Variants in PCDHGA4 observed in about 807,000 individuals in gnomAD.
PCDHGA4 encodes the protein protocadherin gamma-A4.
A neutral mutation model predicts 54.6 loss-of-function variants in PCDHGA4; 38 were observed. The observed-to-expected ratio is 0.70, with a 90% CI of 0.54 to 0.91. PCDHGA4 has a LOEUF of 0.91. Ranked by LOEUF, PCDHGA4 falls within the 40% of genes least tolerant of loss-of-function variation. The pLI, the probability that PCDHGA4 is intolerant of heterozygous loss-of-function variation, is 0.00. For missense variants in PCDHGA4, 1,298 were observed against 1,220.9 expected, an observed-to-expected ratio of 1.06 and a Z score of -0.94; for synonymous variants, 511 against 512.9, an observed-to-expected ratio of 1.00 and a Z score of 0.05.
At chr5:141,395,495 T>A (rs182989344) in intron 1 of PCDHGA4, 1 of 498,616 alleles carries the variant, frequency 2.0e-6, no homozygotes, top group East Asian at 3.5e-5. Context: ...TATCACTCAT[T>A]CACTTAAGAA....
intron 1 of PCDHGA4, chr5:141,374,155 G>A (rs1165591733): frequency 6.2e-7 from 1 of 1,612,144 alleles, no homozygotes; most frequent in Admixed American, 1.7e-5. Flanking sequence ...GGACGCTGTG[G>A]GGGGCCGCGG....
In PCDHGA4 at chr5:141,476,718, C is replaced by T; in HGVS notation, c.2515-18089C>T. On this transcript the variant is annotated intron_variant, in intron 1 of 3. Transcript: ENST00000571252. The surrounding 1 kb of genome is among the most constrained non-coding windows in gnomAD (Gnocchi z 7.6). ...TACGCGGAGCTGGTGTTGGAGCGCG[C>T]CCTGGACCGAGAACGGGAGCCTAGT... The T allele has an allele frequency of 1.2e-6, 2 of 1,614,144 alleles. No individual in the cohort carries two copies. The highest frequency in any genetic ancestry group is 2.2e-5 in the East Asian group (1 of 44,874).
rs764056952 is a variant in PCDHGA4 at position 141,405,326 on chromosome 5, T to G, written c.2514+47705T>G. On this transcript the variant is annotated intron_variant, in intron 1 of 3. Transcript: ENST00000571252. ...GAGCTGTGAGAAAAATGAGCCTTTG[T>G]GCGTCTCTGTTGATTCCAAGTTTCC... The G allele has an allele frequency of 2.5e-6, 4 of 1,614,220 alleles. No individual in the cohort carries two copies. Among genetic ancestry groups the G allele is most frequent in the Admixed American group, 3.3e-5 (2 of 60,026 alleles).
Position 141,360,239 on chromosome 5 carries a change from A to G in PCDHGA4, c.2514+2618A>G, listed in dbSNP as rs775491179. 2 of 1,613,884 alleles carry G rather than the reference A, an allele frequency of 1.2e-6. No homozygotes were observed. The highest frequency in any genetic ancestry group is 1.7e-6 in the Non-Finnish European group (2 of 1,179,852). On this transcript the variant is annotated intron_variant, in intron 1 of 3. Transcript: ENST00000571252. ...GGGGCTCTCCCAGTCCAGATCCGCTATTCAATTCCAGAGGAGCTGGCCAAA... is the reference window on the plus strand; with the variant it reads ...GGGGCTCTCCCAGTCCAGATCCGCTGTTCAATTCCAGAGGAGCTGGCCAAA...
At chr5:141,395,156 T>C in intron 1 of PCDHGA4, 4 of 1,614,114 alleles carry the variant, frequency 2.5e-6, no homozygotes, top group East Asian at 4.5e-5. Context: ...TGCTCATCAG[T>C]CAGGAGGGCT....
In PCDHGA4 at chr5:141,372,495, G is replaced by A. The variant is rs770848334; in HGVS notation, c.2514+14874G>A. On this transcript the variant is annotated intron_variant, in intron 1 of 3. Transcript: ENST00000571252. The stretch of plus-strand genomic sequence containing the variant: ...AGTAGTGGCGTTGGCCTTGATCTCA[G>A]TGCTCTTCCTCCTCGCGGTGATTCT... 2.0e-5 allele frequency: 32 copies of A among 1,613,936 alleles called. No individual in the cohort carries two copies. Among genetic ancestry groups the A allele is most frequent in the Non-Finnish European group, 2.6e-5 (31 of 1,179,902 alleles).
At chr5:141,365,782 C>G in intron 1 of PCDHGA4, 1 of 1,613,910 alleles carries the variant, frequency 6.2e-7, no homozygotes, top group Non-Finnish European at 8.5e-7. Flanking sequence ...GCGGCGACAA[C>G]GCTCGAGTCA....
intron 1 of PCDHGA4, among the ~76,000 whole-genome samples, chr5:141,458,275 G>A (rs975142859): frequency 2.6e-5 from 4 of 152,142 alleles, no homozygotes; most frequent in Non-Finnish European, 5.9e-5. Flanking sequence ...GAACAACAGG[G>A]TTCCTGGTCC....
intron 1 of PCDHGA4, chr5:141,395,547 TG>T (rs5871772): frequency 0.053 from 9,293 of 174,278 alleles, 481 homozygotes; most frequent in Middle Eastern, 0.08. Flanking sequence ...ATTGTTTGTG[TG>T]TGTGTGTGTG....
intron 1 of PCDHGA4, chr5:141,422,697 C>T (rs1406213402): frequency 3.7e-6 from 6 of 1,603,284 alleles, no homozygotes; most frequent in South Asian, 1.1e-5. Flanking sequence ...TGGTCACTTA[C>T]TCTCTGACGG....
In PCDHGA4 at chr5:141,493,985, C is replaced by A. The variant is rs1444608753; in HGVS notation, c.2515-822C>A. On this transcript the variant is annotated intron_variant, in intron 1 of 3. Coordinates refer to ENST00000571252, the MANE Select transcript of PCDHGA4 (RefSeq NM_018917.4). This position sits in a 1 kb window ranked among gnomAD's most constrained non-coding sequence, Gnocchi z 4.3. ...GCTGGCCAGAGCCCCACACCTTCAGCTAGGTGGGAGATGGCTACACATCAG... is the reference window on the plus strand; with the variant it reads ...GCTGGCCAGAGCCCCACACCTTCAGATAGGTGGGAGATGGCTACACATCAG... Among the ~76,000 whole-genome samples the A allele has an allele frequency of 6.6e-6, 1 of 152,196 alleles. No individual in the cohort carries two copies. The highest frequency in any genetic ancestry group is 1.5e-5 in the Non-Finnish European group (1 of 68,032).
At chr5:141,443,317 C>A (rs898636207) in intron 1 of PCDHGA4, among the ~76,000 whole-genome samples, 39 of 142,046 alleles carry the variant, frequency 2.7e-4, no homozygotes, top group Non-Finnish European at 2.5e-4. Context: ...CCCATCTCTA[C>A]AAAAAAAAAA....
At chr5:141,392,871 C>T (rs2092620267) in intron 1 of PCDHGA4, 2 of 1,613,280 alleles carry the variant, frequency 1.2e-6, no homozygotes, top group Admixed American at 1.7e-5. Flanking sequence ...GTGCGCGCTG[C>T]TGGGAACGCT....
At chr5:141,365,677 A>C (rs753922826) in intron 1 of PCDHGA4, 1 of 1,613,140 alleles carries the variant, frequency 6.2e-7, no homozygotes, top group South Asian at 1.1e-5. Flanking sequence ...ATGACAACCC[A>C]CCCAATTTCC....
intron 1 of PCDHGA4, chr5:141,384,788 G>A: frequency 1.2e-6 from 2 of 1,613,236 alleles, no homozygotes; most frequent in Non-Finnish European, 1.7e-6. Context: ...CGCACGGCTC[G>A]GGCCCTGCTG....
At chr5:141,421,870 G>A in intron 1 of PCDHGA4, 1 of 1,613,758 alleles carries the variant, frequency 6.2e-7, no homozygotes, top group Non-Finnish European at 8.5e-7. Flanking sequence ...CCTCCTCACA[G>A]CTTTAGATGG....
chr5:141,485,566 C>G lies in PCDHGA4; in HGVS notation c.2515-9241C>G, dbSNP rs768144422. On this transcript the variant is annotated intron_variant, in intron 1 of 3. Transcript: ENST00000571252. This position sits in a 1 kb window ranked among gnomAD's most constrained non-coding sequence, Gnocchi z 5.7. ...TCGTAGATGTGAATGATCACGCCCC[C>G]CGTTTTCCGCGGCAGCAGCTGGACT... 2.5e-6 allele frequency: 4 copies of G among 1,612,808 alleles called. No homozygotes were observed. Among genetic ancestry groups the G allele is most frequent in the South Asian group, 2.2e-5 (2 of 91,028 alleles).
chr5:141,455,109 G>A (rs2098813382), intron 1 of PCDHGA4, among the ~76,000 whole-genome samples: 1 of 151,932 alleles, frequency 6.6e-6, no homozygotes, highest in South Asian at 2.1e-4. Context: ...ACTGCGCCCG[G>A]TGGGTCTAAT....
chr5:141,496,984 G>C (rs938752499), intron 2 of PCDHGA4, among the ~76,000 whole-genome samples: 1 of 151,896 alleles, frequency 6.6e-6, no homozygotes, highest in Admixed American at 6.6e-5. Context: ...TCAGGGGTTT[G>C]AGACCAGCCT....
Sources: gnomAD v4.1 joint callset for allele counts (sites outside exome capture counted in the v4.1 genomes callset) on GRCh38, gnomAD v4.1.1 for gene constraint, Gnocchi (gnomAD v3.1) non-coding constraint, MANE v1.5 for transcripts, NCBI Gene and HGNC (gene_info 2026-07-23, HGNC 2026-07-21) for gene names.